The following MCM9 variants were observed in gnomAD, a reference collection of about 807,000 sequenced individuals.
MCM9 encodes the protein minichromosome maintenance 9 homologous recombination repair factor.
MCM9 carries 55 observed loss-of-function variants against 72.8 expected under a neutral mutation model. The observed-to-expected ratio is 0.76, with a 90% CI of 0.61 to 0.95. The LOEUF is 0.95. MCM9 is among the 40% of genes least tolerant of loss of function. MCM9 has a pLI of 0.00. For missense variants in MCM9, 1,279 were observed against 1,377.0 expected (o/e 0.93, Z 1.13); for synonymous variants, 480 against 503.4 (o/e 0.95, Z 0.62).
At chr6:118,822,473 C>T (rs1035607510) in intron 13 of MCM9, among the ~76,000 whole-genome samples, 3 of 152,150 alleles carry the variant, frequency 2.0e-5, no homozygotes, top group Non-Finnish European at 2.9e-5. Flanking sequence ...AGATTGCTGC[C>T]TGCTCCTTCC....
At chr6:118,867,600 C>T (rs1263970698) in intron 8 of MCM9, among the ~76,000 whole-genome samples, 1 of 152,154 alleles carries the variant, frequency 6.6e-6, no homozygotes, top group Non-Finnish European at 1.5e-5. Context: ...CATTGTGTCA[C>T]AAACTGCCTA....
chr6:118,834,115 T>C (rs1774785188), intron 9 of MCM9, among the ~76,000 whole-genome samples: 1 of 152,154 alleles, frequency 6.6e-6, no homozygotes, highest in Admixed American at 6.5e-5. Flanking sequence ...CATGCAGTGT[T>C]TGGTTTTCTG....
rs538063412 is a variant in MCM9 at position 118,932,723 on chromosome 6, T to G, written c.-132A>C. 850 of 557,138 alleles carry G rather than the reference T, an allele frequency of 1.5e-3. 10 individuals carry two copies. The African/African-American group carries it at 0.016, about 11-fold the overall frequency. 34.5% of individuals were successfully genotyped at this position (557,138 alleles called of 1,614,324 possible). ...CTCTTTCTTACCGTAGGAAATCTAC[T>G]GGGTTCTGCAGAAACAGCTGTCAAC... On this transcript the variant is annotated 5_prime_UTR_variant, in exon 2 of 14. Coordinates refer to ENST00000619706, the MANE Select transcript of MCM9 (RefSeq NM_017696.3).
intron 4 of MCM9, 135 bp from the exon 5 acceptor site, chr6:118,922,221 A>G (rs1476586054): frequency 1.9e-5 from 11 of 592,942 alleles, no homozygotes; most frequent in Non-Finnish European, 3.0e-5. Context: ...GGATTTAAGT[A>G]ATTTTTCTTG....
At position 118,814,270 on chromosome 6, in the gene MCM9, G is replaced by T. The variant is rs1399118490; in HGVS notation, c.*554C>A. On this transcript the variant is annotated 3_prime_UTR_variant, in exon 14 of 14. Transcript: ENST00000619706. Reference sequence around the variant, plus strand: ...ACCTCTCAAAGAAAGAAAAGCATTAGTCACATTTAACCTGATCCACACAAA... The same window carrying T: ...ACCTCTCAAAGAAAGAAAAGCATTATTCACATTTAACCTGATCCACACAAA... The T allele has an allele frequency of 6.6e-6, 1 of 151,452 alleles. No individual in the cohort carries two copies. Among genetic ancestry groups the T allele is most frequent in the Non-Finnish European group, 1.5e-5 (1 of 67,950 alleles). 9.4% of individuals were successfully genotyped at this position (151,452 alleles called of 1,614,324 possible).
intron 8 of MCM9, among the ~76,000 whole-genome samples, chr6:118,902,201 T>C (rs1383811606): frequency 2.0e-5 from 3 of 152,204 alleles, no homozygotes; most frequent in East Asian, 1.9e-4. Flanking sequence ...ACTGCAGTTA[T>C]AGATATAGGT....
chr6:118,898,844 C>A (rs1021761829), intron 8 of MCM9, among the ~76,000 whole-genome samples: 2 of 152,208 alleles, frequency 1.3e-5, no homozygotes, highest in Admixed American at 6.5e-5. Context: ...TGTTTTGTAA[C>A]TTAATTTGTC....
At chr6:118,881,155 C>T (rs1778264372) in intron 8 of MCM9, among the ~76,000 whole-genome samples, 1 of 152,068 alleles carries the variant, frequency 6.6e-6, no homozygotes, top group Non-Finnish European at 1.5e-5. Flanking sequence ...AAAGCAAAAC[C>T]CCGGATGAAC....
chr6:118,934,161 T>C (rs1247712538), intron 1 of MCM9, among the ~76,000 whole-genome samples: 2 of 152,194 alleles, frequency 1.3e-5, no homozygotes, highest in Non-Finnish European at 2.9e-5. Context: ...TAGGCTAGCA[T>C]TTCTATGGTT....
intron 3 of MCM9, among the ~76,000 whole-genome samples, chr6:118,928,020 C>T (rs567306493): frequency 6.6e-6 from 1 of 152,186 alleles, no homozygotes; most frequent in Non-Finnish European, 1.5e-5. Flanking sequence ...AAGACTTCTG[C>T]GCACTTTTTC....
intron 9 of MCM9, among the ~76,000 whole-genome samples, chr6:118,843,245 T>C (rs1431843727): frequency 2.0e-5 from 3 of 151,934 alleles, no homozygotes; most frequent in Non-Finnish European, 4.4e-5. Flanking sequence ...GAGCAATTTG[T>C]GAAATCACAG....
intron 9 of MCM9, among the ~76,000 whole-genome samples, chr6:118,833,952 G>T (rs554189998): frequency 2.0e-5 from 3 of 152,276 alleles, no homozygotes; most frequent in African/African-American, 7.2e-5. Flanking sequence ...AGGTATACAT[G>T]TGAAACGGTG....
At chr6:118,929,802 A>G (rs1782230799) in intron 3 of MCM9, among the ~76,000 whole-genome samples, 1 of 152,180 alleles carries the variant, frequency 6.6e-6, no homozygotes, top group African/African-American at 2.4e-5. Context: ...GTGAGACTCC[A>G]TCTCTAATTT....
intron 9 of MCM9, among the ~76,000 whole-genome samples, chr6:118,853,838 C>T (rs951687918): frequency 3.3e-5 from 5 of 152,160 alleles, no homozygotes; most frequent in East Asian, 1.9e-4. Context: ...TTCTACAGAT[C>T]GCTTTGGGGA....
intron 5 of MCM9, chr6:118,918,511 A>G (rs1468243380): frequency 1.3e-5 from 2 of 152,250 alleles, no homozygotes; most frequent in Non-Finnish European, 2.9e-5. Context: ...CACACTCGCC[A>G]AACACTGCCA....
intron 8 of MCM9, among the ~76,000 whole-genome samples, chr6:118,869,034 A>C (rs1583483425): frequency 6.6e-6 from 1 of 152,362 alleles, no homozygotes; most frequent in South Asian, 2.1e-4. Flanking sequence ...TCAATGATAG[A>C]CTGGATTAAG....
chr6:118,850,742 C>A (rs1260562737), intron 9 of MCM9, among the ~76,000 whole-genome samples: 4 of 151,762 alleles, frequency 2.6e-5, no homozygotes, highest in Non-Finnish European at 4.4e-5. Context: ...TTGTTTCAGG[C>A]CACATTCTCT....
chr6:118,828,344 G>T (rs1335609893), intron 10 of MCM9, among the ~76,000 whole-genome samples: 1 of 151,700 alleles, frequency 6.6e-6, no homozygotes, highest in Non-Finnish European at 1.5e-5. Context: ...AAATTATTCA[G>T]AATAATTCTG....
At chr6:118,831,315 G>A (rs138448938) in intron 9 of MCM9, among the ~76,000 whole-genome samples, 1,421 of 133,560 alleles carry the variant, frequency 0.011, 27 homozygotes, top group African/African-American at 0.038. Context: ...TTGTGCCATT[G>A]CACTCACAAA....
Sources: gnomAD v4.1 joint callset for allele counts (sites outside exome capture counted in the v4.1 genomes callset) on GRCh38, gnomAD v4.1.1 for gene constraint, MANE v1.5 for transcripts, NCBI Gene and HGNC (gene_info 2026-07-23, HGNC 2026-07-21) for gene names.